The following CD163L1 variants were observed in gnomAD, a reference collection of about 807,000 sequenced individuals.
CD163L1 encodes CD163 molecule like 1, also known as scavenger receptor cysteine-rich type 1 protein M160.
CD163L1 carries 124 observed loss-of-function variants against 165.4 expected under a neutral mutation model. The ratio of observed to expected loss-of-function variants is 0.75; its 90% CI spans 0.65 to 0.87. CD163L1 has a LOEUF of 0.87. Ranked by LOEUF, CD163L1 falls within the 40% of genes least tolerant of loss-of-function variation. The pLI, the probability that CD163L1 is intolerant of heterozygous loss-of-function variation, is 0.00. For synonymous variants in CD163L1, 585 were observed against 662.2 expected, an observed-to-expected ratio of 0.88 and a Z score of 1.79; for missense variants, 1,525 against 1,799.9, an observed-to-expected ratio of 0.85 and a Z score of 2.76.
At chr12:7,356,254 A>G (rs1383790967) in intron 19 of CD163L1, among the ~76,000 whole-genome samples, 2 of 152,136 alleles carry the variant, frequency 1.3e-5, no homozygotes, top group Admixed American at 6.6e-5. Context: ...GCATATAAAG[A>G]GGAAAAAGGC....
Position 7,374,856 on chromosome 12 carries a change from T to C in CD163L1, c.3069A>G (p.Pro1023=), listed in dbSNP as rs1591892719. 1 of 1,614,204 alleles carries C rather than the reference T, an allele frequency of 6.2e-7. No individual in the cohort carries two copies. Among genetic ancestry groups the C allele is most frequent in the Non-Finnish European group, 8.5e-7 (1 of 1,180,014 alleles). ...CTAAGCAGATCAAAGCACTGCCCTC[T>C]GGAACTGCAGACAAATATGGGTCAG... ...NVSDPYLSAV[P]EGSALICLED... Residue 1023 remains proline, a synonymous_variant, in exon 12 of 20, where the codon CCA becomes CCG. Transcript: ENST00000313599. This position sits in a 1 kb window ranked among gnomAD's most constrained non-coding sequence, Gnocchi z 5.4.
At chr12:7,327,239 G>A in the CD163L1 span, 1 of 1,095,646 alleles carries the variant, frequency 9.1e-7, no homozygotes, top group East Asian at 2.7e-5. Context: ...TAAGAATTTT[G>A]CTTTAAAATG....
chr12:7,404,083 T>C (rs1472947881), intron 5 of CD163L1, among the ~76,000 whole-genome samples: 1 of 152,174 alleles, frequency 6.6e-6, no homozygotes, highest in African/African-American at 2.4e-5. Context: ...TGTCAGTCTT[T>C]ATGAAAACAA....
chr12:7,414,476 A>G (rs1299174858), intron 4 of CD163L1, among the ~76,000 whole-genome samples: 2 of 152,144 alleles, frequency 1.3e-5, no homozygotes, highest in African/African-American at 4.8e-5. Context: ...ATATGACACT[A>G]TCAAATTAAC....
At chr12:7,334,506 T>C in the CD163L1 span, among the ~76,000 whole-genome samples, 1 of 152,130 alleles carries the variant, frequency 6.6e-6, no homozygotes, top group Non-Finnish European at 1.5e-5. Context: ...TAATAAGAGC[T>C]ATCTATGACA....
intron 6 of CD163L1, among the ~76,000 whole-genome samples, chr12:7,399,525 CTTTCTCTT>C: frequency 8.0e-5 from 1 of 12,536 alleles, no homozygotes; most frequent in Non-Finnish European, 1.9e-4. Flanking sequence ...CCCTCTCTTT[CTTTCTCTT>C]TCTTTCTTTC....
rs1418602454 is a variant in CD163L1, at chr12:7,398,256, A to G, written c.1729+8T>C. 3.7e-6 allele frequency: 6 copies of G among 1,607,756 alleles called. No homozygotes were observed. Among genetic ancestry groups the G allele is most frequent in the Non-Finnish European group, 5.1e-6 (6 of 1,176,266 alleles). On this transcript the variant is annotated splice_region_variant and intron_variant, in intron 7 of 19. Transcript: ENST00000313599. The surrounding 1 kb of genome is among the most constrained non-coding windows in gnomAD (Gnocchi z 4.5). ...TATCAGGAAATAATAAACAAGAACAAGTCTTACCTGAGCAGGTTACAATCA... is the reference window on the plus strand; with the variant it reads ...TATCAGGAAATAATAAACAAGAACAGGTCTTACCTGAGCAGGTTACAATCA...
At chr12:7,415,319 C>T (rs1189288969) in intron 4 of CD163L1, among the ~76,000 whole-genome samples, 1 of 151,674 alleles carries the variant, frequency 6.6e-6, no homozygotes, top group Non-Finnish European at 1.5e-5. Context: ...AGTAGACACA[C>T]CAAAGATAAA....
In CD163L1 at chr12:7,375,695, C is replaced by A. The variant is rs1445036693; in HGVS notation, c.2686+5G>T. On this transcript the variant is annotated splice_donor_5th_base_variant and intron_variant, in intron 10 of 19. Coordinates refer to ENST00000313599, the MANE Select transcript of CD163L1 (RefSeq NM_174941.6). ...CAGCCAATTAAGATTATTTAAAAAT[C>A]TCACGGGAACAGACAACTCCAACTT... 1 of 1,613,400 alleles carries A rather than the reference C, an allele frequency of 6.2e-7. No individual in the cohort carries two copies. Among genetic ancestry groups the A allele is most frequent in the South Asian group, 1.1e-5 (1 of 91,028 alleles).
intron 8 of CD163L1, among the ~76,000 whole-genome samples, chr12:7,393,048 A>C (rs1323110085): frequency 6.6e-6 from 1 of 152,194 alleles, no homozygotes; most frequent in African/African-American, 2.4e-5. Flanking sequence ...CAGAAAAAAA[A>C]GGAATCCTCC....
intron 4 of CD163L1, among the ~76,000 whole-genome samples, chr12:7,418,048 A>G (rs1948280876): frequency 2.0e-5 from 3 of 152,106 alleles, no homozygotes; most frequent in Admixed American, 2.0e-4. Flanking sequence ...ACACACTTTT[A>G]CAGAAAATTT....
chr12:7,373,533 T>TACCAC lies in CD163L1; in HGVS notation c.3516_3517insGTGGT (p.Thr1173ValfsTer6). ...CACACAATGCCTGCTATGGCTGTGG[T>TACCAC]GATGTTCCTCCTGCCGACGCTGCCC... On this transcript the variant is annotated frameshift_variant, in exon 14 of 20. Transcript: ENST00000313599. LOFTEE classifies it high-confidence loss of function. 1.2e-6 allele frequency: 2 copies of TACCAC among 1,614,184 alleles called. No homozygotes were observed.
intron 4 of CD163L1, among the ~76,000 whole-genome samples, chr12:7,414,043 G>A (rs895593680): frequency 6.6e-6 from 1 of 151,874 alleles, no homozygotes; most frequent in Non-Finnish European, 1.5e-5. Flanking sequence ...GAAACACCAA[G>A]GCTTCAAAAA....
At chr12:7,331,095 C>T in the CD163L1 span, among the ~76,000 whole-genome samples, 1 of 152,342 alleles carries the variant, frequency 6.6e-6, no homozygotes, top group East Asian at 1.9e-4. Context: ...CATAATACTG[C>T]ACTTTTCCAA....
the CD163L1 span, among the ~76,000 whole-genome samples, chr12:7,334,476 T>G: frequency 6.6e-6 from 1 of 152,222 alleles, no homozygotes. Flanking sequence ...AATTAGGTAC[T>G]GATGGGATGT....
intron 4 of CD163L1, among the ~76,000 whole-genome samples, chr12:7,411,383 G>A (rs768189668): frequency 1.3e-5 from 2 of 152,140 alleles, no homozygotes; most frequent in Non-Finnish European, 2.9e-5. Context: ...CCGAATCTGA[G>A]GTTGAAATGT....
the CD163L1 span, among the ~76,000 whole-genome samples, chr12:7,335,692 A>T: frequency 6.6e-6 from 1 of 152,350 alleles, no homozygotes; most frequent in East Asian, 1.9e-4. Flanking sequence ...TCTGCACAGC[A>T]AAAGAAACTA....
chr12:7,390,805 T>C (rs1021996909), intron 8 of CD163L1, among the ~76,000 whole-genome samples: 8 of 152,198 alleles, frequency 5.3e-5, no homozygotes, highest in Admixed American at 6.5e-5. Context: ...AGACCAATGA[T>C]GTATCTGAGT....
downstream of CD163L1, among the ~76,000 whole-genome samples, chr12:7,342,914 C>A (rs1297792006): frequency 6.6e-6 from 1 of 152,192 alleles, no homozygotes; most frequent in Non-Finnish European, 1.5e-5. Flanking sequence ...ATCAGGTTTT[C>A]TTTTCACGTA....
Sources: gnomAD v4.1 joint callset for allele counts (sites outside exome capture counted in the v4.1 genomes callset) on GRCh38, gnomAD v4.1.1 for gene constraint, Gnocchi (gnomAD v3.1) non-coding constraint, MANE v1.5 for transcripts, NCBI Gene and HGNC (gene_info 2026-07-23, HGNC 2026-07-21) for gene names.